MFSD6: variants seen among roughly 807,000 people sequenced by gnomAD.
MFSD6 encodes major facilitator superfamily domain-containing protein 6.
In MFSD6, 26 loss-of-function variants were observed where a neutral mutation model predicts 56.3. That is an observed-to-expected ratio of 0.46 (90% confidence interval 0.34 to 0.64). The LOEUF (loss-of-function observed/expected upper bound fraction) is 0.64. Among genes scored for constraint, MFSD6 ranks in the 30% least tolerant of loss-of-function variants. The probability of loss-of-function intolerance (pLI) is 0.01; values close to 1 mark genes in which losing one functional copy is unlikely to be tolerated. For missense variants in MFSD6, 750 were observed against 986.2 expected (o/e 0.76, Z 3.21); for synonymous variants, 331 against 366.9 (o/e 0.90, Z 1.12).
intron 4 of MFSD6, among the ~76,000 whole-genome samples, chr2:190,483,680 C>G (rs574991240): frequency 6.6e-6 from 1 of 151,736 alleles, no homozygotes; most frequent in African/African-American, 2.4e-5. Context: ...ACTAAGGGTA[C>G]GAAAATTAGC....
rs1252880247 is a variant in MFSD6 at position 190,426,466 on chromosome 2, T to A, written c.-53-9511T>A. Among the ~76,000 whole-genome samples, 3 of 152,318 alleles carry A rather than the reference T, an allele frequency of 2.0e-5. No individual in the cohort carries two copies. The highest frequency in any genetic ancestry group is 7.2e-5 in the African/African-American group (3 of 41,580). On this transcript the variant is annotated intron_variant, in intron 2 of 7. Coordinates refer to ENST00000392328, the MANE Select transcript of MFSD6 (RefSeq NM_017694.4). The surrounding 1 kb of genome is among the most constrained non-coding windows in gnomAD (Gnocchi z 4.7). ...ATGTTTATAATTGCCTATCTAAGCA[T>A]TTTTAGGATGGCTTTTTAAAAATAT...
intron 4 of MFSD6, among the ~76,000 whole-genome samples, chr2:190,478,876 C>G (rs1688496977): frequency 6.6e-6 from 1 of 152,060 alleles, no homozygotes; most frequent in Non-Finnish European, 1.5e-5. Context: ...ATCCTACCAC[C>G]CTTGCTTTAT....
Position 190,456,801 on chromosome 2 carries a change from C to G in MFSD6, c.1533-12957C>G, listed in dbSNP as rs1687062839. 6.6e-6 allele frequency among the ~76,000 whole-genome samples: 1 copy of G among 152,206 alleles called. No homozygotes were observed. Among genetic ancestry groups the G allele is most frequent in the Non-Finnish European group, 1.5e-5 (1 of 68,032 alleles). On this transcript the variant is annotated intron_variant, in intron 3 of 7. Coordinates refer to ENST00000392328, the MANE Select transcript of MFSD6 (RefSeq NM_017694.4). This position sits in a 1 kb window ranked among gnomAD's most constrained non-coding sequence, Gnocchi z 5.4. Reference sequence around the variant, plus strand: ...GCATCGATACCTGCAGTTTCTGTGGCTACCTCAGCAGAAATGATCTTTCAG... The same window carrying G: ...GCATCGATACCTGCAGTTTCTGTGGGTACCTCAGCAGAAATGATCTTTCAG...
chr2:190,444,931 G>T, intron 3 of MFSD6: 1 of 780,066 alleles, frequency 1.3e-6, no homozygotes, highest in Non-Finnish European at 1.6e-6. Context: ...TATGTATCTT[G>T]GTAAATTAAC....
At position 190,487,835 on chromosome 2, in the gene MFSD6, C is replaced by T. The variant is rs1375734372; in HGVS notation, c.1631-822C>T. Among the ~76,000 whole-genome samples the T allele has an allele frequency of 1.3e-5, 2 of 152,152 alleles. No homozygotes were observed. Among genetic ancestry groups the T allele is most frequent in the Non-Finnish European group, 2.9e-5 (2 of 68,014 alleles). The stretch of plus-strand genomic sequence containing the variant: ...AGCTACTTTGGAAAAAAGGTAGTTC[C>T]TCAAAGTGTTAAACATATAGTGACC... On this transcript the variant is annotated intron_variant, in intron 4 of 7. Transcript: ENST00000392328. The surrounding 1 kb of genome is among the most constrained non-coding windows in gnomAD (Gnocchi z 5.5).
intron 2 of MFSD6, among the ~76,000 whole-genome samples, chr2:190,430,287 A>T (rs1575830064): frequency 6.9e-6 from 1 of 145,928 alleles, no homozygotes; most frequent in Non-Finnish European, 1.5e-5. Flanking sequence ...ATAGTAGTGG[A>T]GGGAAGGTCA....
Position 190,463,469 on chromosome 2 carries a change from T to C in MFSD6, c.1533-6289T>C, listed in dbSNP as rs1687433338. On this transcript the variant is annotated intron_variant, in intron 3 of 7. Coordinates refer to ENST00000392328, the MANE Select transcript of MFSD6 (RefSeq NM_017694.4). This position sits in a 1 kb window ranked among gnomAD's most constrained non-coding sequence, Gnocchi z 4.4. Reference sequence around the variant, plus strand: ...CCACTCTGCCTACTCTAGGAAGACATCTATAACAATTCTGAAAAAAAAATT... The same window carrying C: ...CCACTCTGCCTACTCTAGGAAGACACCTATAACAATTCTGAAAAAAAAATT... Among the ~76,000 whole-genome samples the C allele has an allele frequency of 6.6e-6, 1 of 152,110 alleles. No individual in the cohort carries two copies. Among genetic ancestry groups the C allele is most frequent in the African/African-American group, 2.4e-5 (1 of 41,414 alleles).
intron 3 of MFSD6, among the ~76,000 whole-genome samples, chr2:190,455,977 G>A (rs1687017685): frequency 1.0e-5 from 1 of 98,542 alleles, no homozygotes; most frequent in Non-Finnish European, 1.8e-5. Flanking sequence ...GTCTCATTCT[G>A]TCACCCAGGC....
intron 2 of MFSD6, among the ~76,000 whole-genome samples, chr2:190,422,556 T>A (rs1018443332): frequency 2.0e-5 from 3 of 152,214 alleles, no homozygotes; most frequent in Admixed American, 6.5e-5. Context: ...TGTGATGATG[T>A]TGTTGAGATA....
chr2:190,450,278 A>G (rs896382616), intron 3 of MFSD6, among the ~76,000 whole-genome samples: 1 of 152,118 alleles, frequency 6.6e-6, no homozygotes, highest in Non-Finnish European at 1.5e-5. Context: ...TTTGAAGGAT[A>G]GTCTGGAAGA....
In MFSD6 at chr2:190,501,380, T is replaced by C. The variant is rs1352784601; in HGVS notation, c.*1162T>C. The C allele has an allele frequency of 2.6e-5, 4 of 152,198 alleles. No homozygotes were observed. The highest frequency in any genetic ancestry group is 7.2e-5 in the African/African-American group (3 of 41,432). The allele number at this position is 152,198 out of a possible 1,614,324, so 9.4% of individuals were successfully genotyped here. A position where few individuals can be genotyped will look rare whatever the true frequency, so the allele number is the denominator to read the frequency against. ...CACAGTCAGACACTGGACAATGTAA[T>C]GTATGCAACTGCAAACGTTACAACT... On this transcript the variant is annotated 3_prime_UTR_variant, in exon 8 of 8. Transcript: ENST00000392328.
chr2:190,436,778 T>G lies in MFSD6; in HGVS notation c.749T>G (p.Val250Gly), dbSNP rs770433322. Residue 250 changes from valine to glycine, a missense_variant, in exon 3 of 8, where the codon GTC (valine) becomes GGC (glycine). By Grantham distance (109) the Val-to-Gly change is moderately radical. Transcript: ENST00000392328. This position sits in a 1 kb window ranked among gnomAD's most constrained non-coding sequence, Gnocchi z 5.3. ...LTLNSSTATP[V>G]SPGSVTKETT... ...TTGAACTCAAGCACAGCAACCCCTG[T>G]CTCCCCAGGAAGCGTAACCAAGGAG... is the stretch of plus-strand genomic sequence containing the variant. 3.1e-6 allele frequency: 5 copies of G among 1,614,136 alleles called. No individual in the cohort carries two copies. The highest frequency in any genetic ancestry group is 4.2e-6 in the Non-Finnish European group (5 of 1,180,026).
At chr2:190,428,397 A>G (rs1685852030) in intron 2 of MFSD6, among the ~76,000 whole-genome samples, 1 of 152,198 alleles carries the variant, frequency 6.6e-6, no homozygotes, top group Admixed American at 6.5e-5. Context: ...AAAGTAGTGT[A>G]TCAATTTACA....
chr2:190,448,882 A>G (rs986156839), intron 3 of MFSD6, among the ~76,000 whole-genome samples: 1 of 151,926 alleles, frequency 6.6e-6, no homozygotes, highest in Non-Finnish European at 1.5e-5. Context: ...ATAGTTTGAA[A>G]CCCATGTGTC....
chr2:190,452,397 C>T (rs967323828), intron 3 of MFSD6, among the ~76,000 whole-genome samples: 2 of 152,134 alleles, frequency 1.3e-5, no homozygotes, highest in African/African-American at 2.4e-5. Context: ...ACAAAAGCAT[C>T]GTGCTAAATG....
chr2:190,489,471 T>C lies in MFSD6; in HGVS notation c.1793-297T>C, dbSNP rs187266588. 2.6e-5 allele frequency among the ~76,000 whole-genome samples: 4 copies of C among 152,298 alleles called. No individual in the cohort carries two copies. The East Asian group carries it at 7.7e-4, about 29-fold the overall frequency. On this transcript the variant is annotated intron_variant, in intron 5 of 7. Transcript: ENST00000392328. The surrounding 1 kb of genome is among the most constrained non-coding windows in gnomAD (Gnocchi z 6.6). ...AATAATTGGGTAAATGGTCTTTTCATATGAAGAGGAGAGCACCATTGAATT... is the reference window on the plus strand; with the variant it reads ...AATAATTGGGTAAATGGTCTTTTCACATGAAGAGGAGAGCACCATTGAATT...
intron 3 of MFSD6, among the ~76,000 whole-genome samples, chr2:190,453,354 T>C (rs556072195): frequency 1.2e-4 from 19 of 152,084 alleles, no homozygotes; most frequent in Non-Finnish European, 2.5e-4. Context: ...ATGGGGAGGA[T>C]GCCCATTGGA....
Position 190,469,679 on chromosome 2 carries a change from T to C in MFSD6, c.1533-79T>C, listed in dbSNP as rs1236734003. 2.1e-5 allele frequency: 16 copies of C among 773,364 alleles called. No homozygotes were observed. Among genetic ancestry groups the C allele is most frequent in the Non-Finnish European group, 2.9e-5 (16 of 548,790 alleles). 47.9% of individuals were successfully genotyped at this position (773,364 alleles called of 1,614,324 possible). ...GTAATATTTGCATGTTTTGTACACA[T>C]ATTAGATTGTATATTAGGGACTCAG... On this transcript the variant is annotated intron_variant, in intron 3 of 7. Transcript: ENST00000392328. This position sits in a 1 kb window ranked among gnomAD's most constrained non-coding sequence, Gnocchi z 5.3.
rs1466125143 is a variant in MFSD6 at position 190,500,063 on chromosome 2, G to C, written c.2221G>C (p.Val741Leu). 1 of 1,614,094 alleles carries C rather than the reference G, an allele frequency of 6.2e-7. No homozygotes were observed. The highest frequency in any genetic ancestry group is 8.5e-7 in the Non-Finnish European group (1 of 1,180,048). ...TTCTCCTGCTGGTAGAGCCCAGCCT[G>C]TCCCATGTGAGACTCACTCTGACCC... ...ENSPAGRAQPVPCETHSDPSR... is the reference protein window; with the variant it reads ...ENSPAGRAQPLPCETHSDPSR... The change falls in exon 8 of 8, where the codon GTC (valine) becomes CTC (leucine). Residue 741 changes from valine to leucine, a missense_variant. Val to Leu is a conservative substitution (Grantham distance 32). Around this residue, in one of 5 missense-constraint regions of MFSD6, gnomAD observed 172 missense variants for 203.9 expected, o/e 0.84. Coordinates refer to ENST00000392328, the MANE Select transcript of MFSD6 (RefSeq NM_017694.4). This position sits in a 1 kb window ranked among gnomAD's most constrained non-coding sequence, Gnocchi z 5.3.
Sources: allele counts gnomAD v4.1 joint callset (sites outside exome capture counted in the v4.1 genomes callset), GRCh38; gene constraint gnomAD v4.1.1; regional missense constraint gnomAD v4.1.1; non-coding constraint Gnocchi (gnomAD v3.1); transcripts MANE v1.5; gene names NCBI Gene and HGNC (gene_info 2026-07-23, HGNC 2026-07-21).